ARNT2: variants seen among roughly 807,000 people sequenced by gnomAD.
ARNT2 encodes ARNT protein 2.
A neutral mutation model predicts 91.7 loss-of-function variants in ARNT2; 36 were observed. The ratio of observed to expected loss-of-function variants is 0.39; its 90% CI spans 0.30 to 0.52. ARNT2 has a LOEUF of 0.52. Among genes scored for constraint, ARNT2 ranks in the 20% least tolerant of loss-of-function variants. The pLI, the probability that ARNT2 is intolerant of heterozygous loss-of-function variation, is 0.72. For synonymous variants in ARNT2, 365 were observed against 347.1 expected (o/e 1.05, Z -0.57); for missense variants, 775 against 939.3 (o/e 0.83, Z 2.29).
intron 3 of ARNT2, among the ~76,000 whole-genome samples, chr15:80,458,897 C>G (rs1896515794): frequency 6.6e-6 from 1 of 152,150 alleles, no homozygotes. Flanking sequence ...TCTTCTGTAT[C>G]CATGCTCCAT....
intron 1 of ARNT2, chr15:80,434,073 A>T (rs1896052128): frequency 2.0e-5 from 3 of 152,218 alleles, no homozygotes; most frequent in Admixed American, 1.3e-4. Context: ...AGAAAGGCAG[A>T]GGGAAAGTTA....
intron 1 of ARNT2, among the ~76,000 whole-genome samples, chr15:80,434,895 GGC>G (rs1896063841): frequency 6.6e-6 from 1 of 152,112 alleles, no homozygotes; most frequent in Admixed American, 6.5e-5. Flanking sequence ...TGAGGTCCTG[GGC>G]GCAGGGTGGG....
At chr15:80,439,110 T>C (rs1188614738) in intron 1 of ARNT2, among the ~76,000 whole-genome samples, 1 of 152,170 alleles carries the variant, frequency 6.6e-6, no homozygotes, top group Non-Finnish European at 1.5e-5. Flanking sequence ...CTTGCAATAA[T>C]ATTTATATTT....
intron 5 of ARNT2, among the ~76,000 whole-genome samples, chr15:80,490,486 T>A (rs1187465217): frequency 6.6e-6 from 1 of 152,246 alleles, no homozygotes; most frequent in East Asian, 1.9e-4. Context: ...ACATCCGCAG[T>A]GTCTACTGAA....
chr15:80,564,924 C>CT (rs66830115), intron 12 of ARNT2, among the ~76,000 whole-genome samples: 15 of 146,408 alleles, frequency 1.0e-4, no homozygotes, highest in African/African-American at 2.8e-4. Flanking sequence ...TCTTCTTCTC[C>CT]TTTTTTTTTT....
chr15:80,442,833 A>G (rs1341663881), intron 1 of ARNT2: 1 of 985,224 alleles, frequency 1.0e-6, no homozygotes, highest in Non-Finnish European at 1.2e-6. Flanking sequence ...TTTGCCCTAT[A>G]CAGTGTAGGA....
chr15:80,526,863 G>T (rs1358273618), intron 8 of ARNT2, among the ~76,000 whole-genome samples: 1 of 152,170 alleles, frequency 6.6e-6, no homozygotes, highest in African/African-American at 2.4e-5. Context: ...CAGTTTGCTT[G>T]TTGATCATTG....
chr15:80,461,129 G>C (rs1896546087), intron 3 of ARNT2, among the ~76,000 whole-genome samples: 1 of 152,218 alleles, frequency 6.6e-6, no homozygotes, highest in South Asian at 2.1e-4. Flanking sequence ...TCACAGGAAG[G>C]AGGCTAACCG....
chr15:80,538,855 A>G (rs1897862329), intron 8 of ARNT2, among the ~76,000 whole-genome samples: 2 of 152,258 alleles, frequency 1.3e-5, no homozygotes, highest in South Asian at 4.1e-4. Flanking sequence ...AATTTTAAAA[A>G]GAATGAAAAT....
chr15:80,451,867 C>T (rs138973202), intron 2 of ARNT2, among the ~76,000 whole-genome samples: 8 of 152,310 alleles, frequency 5.3e-5, no homozygotes, highest in African/African-American at 1.7e-4. Context: ...ATTTTATTTT[C>T]GATGCACTAT....
chr15:80,526,679 T>C (rs530869856), intron 8 of ARNT2, among the ~76,000 whole-genome samples: 44 of 152,336 alleles, frequency 2.9e-4, no homozygotes, highest in African/African-American at 1.0e-3. Context: ...GGTGAAATGA[T>C]GCCTGTCCTC....
chr15:80,450,710 A>G (rs1284494122), intron 1 of ARNT2, among the ~76,000 whole-genome samples, 170 bp from the exon 2 acceptor site: 1 of 152,226 alleles, frequency 6.6e-6, no homozygotes, highest in Admixed American at 6.5e-5. Flanking sequence ...TTCCAGAGAA[A>G]GAGGAAAGAC....
intron 8 of ARNT2, among the ~76,000 whole-genome samples, chr15:80,519,562 C>A (rs1897499487): frequency 6.6e-6 from 1 of 152,116 alleles, no homozygotes; most frequent in Non-Finnish European, 1.5e-5. Flanking sequence ...CTTTGTCTCA[C>A]ACCTGTGAAG....
intron 14 of ARNT2, 47 bp from the exon 15 acceptor site, chr15:80,576,819 G>C (rs774130009): frequency 1.7e-4 from 267 of 1,594,888 alleles, no homozygotes; most frequent in Non-Finnish European, 2.1e-4. Flanking sequence ...TCTGTGGTCT[G>C]CAGAGCAGGG....
chr15:80,589,045 T>C (rs1326140490), intron 17 of ARNT2, among the ~76,000 whole-genome samples: 1 of 152,196 alleles, frequency 6.6e-6, no homozygotes, highest in Non-Finnish European at 1.5e-5. Context: ...GGTTATTTCC[T>C]TCTTGTTTGT....
chr15:80,552,745 T>C lies in ARNT2; in HGVS notation c.1060T>C (p.Cys354Arg), dbSNP rs1349044921. 2.5e-6 allele frequency: 4 copies of C among 1,613,782 alleles called. No homozygotes were observed. Among genetic ancestry groups the C allele is most frequent in the Non-Finnish European group, 3.4e-6 (4 of 1,179,798 alleles). ...DGIITFVDPRCISVIGYQPQD... is the reference protein window; with the variant it reads ...DGIITFVDPRRISVIGYQPQD... The stretch of plus-strand genomic sequence containing the variant: ...AATCATCACATTTGTGGATCCAAGA[T>C]GTATCAGTGTGATTGGCTACCAACC... Residue 354 changes from cysteine to arginine, a missense_variant, in exon 10 of 19, where the codon TGT becomes CGT. By Grantham distance (180) the Cys-to-Arg change is radical. This residue lies in a region of ARNT2 where 285 missense variants were observed against 327.2 expected (regional missense o/e 0.87). Transcript: ENST00000303329.
chr15:80,500,635 A>G (rs1176905122), intron 5 of ARNT2, among the ~76,000 whole-genome samples: 3 of 152,374 alleles, frequency 2.0e-5, no homozygotes, highest in African/African-American at 4.8e-5. Flanking sequence ...AAACAATTAC[A>G]GAAGGGCCCT....
rs1893384056 is a variant in ARNT2 at position 80,596,981 on chromosome 15, T to G, written c.*3283T>G. The G allele has an allele frequency of 2.8e-6, 1 of 360,404 alleles. No individual in the cohort carries two copies. The highest frequency in any genetic ancestry group is 2.1e-5 in the African/African-American group (1 of 46,772). The allele number at this position is 360,404 out of a possible 1,614,324, so 22.3% of individuals were successfully genotyped here. On this transcript the variant is annotated 3_prime_UTR_variant, in exon 19 of 19. Transcript: ENST00000303329. ...TGACAGCCATCACAAATAGCCACAT[T>G]CTGCTCTACTCTCCAACATACCAGA...
chr15:80,506,670 C>T (rs1164240414), intron 5 of ARNT2, among the ~76,000 whole-genome samples: 1 of 152,154 alleles, frequency 6.6e-6, no homozygotes, highest in Non-Finnish European at 1.5e-5. Flanking sequence ...AGGAAGGAGG[C>T]TTTATCAGCT....
Sources: allele counts gnomAD v4.1 joint callset (sites outside exome capture counted in the v4.1 genomes callset), GRCh38; gene constraint gnomAD v4.1.1; regional missense constraint gnomAD v4.1.1; transcripts MANE v1.5; gene names NCBI Gene and HGNC (gene_info 2026-07-23, HGNC 2026-07-21).